Variants in GLYATL2 observed in about 807,000 individuals in gnomAD.
The protein encoded by GLYATL2 is glycine N-acyltransferase-like protein 2.
GLYATL2 carries 25 observed loss-of-function variants against 21.4 expected under a neutral mutation model. The observed-to-expected ratio is 1.17, with a 90% CI of 0.85 to 1.63. The LOEUF is 1.63. GLYATL2 is among the 40% of genes most tolerant of loss of function. The pLI is 0.00. For missense variants in GLYATL2, 361 were observed against 343.3 expected, an observed-to-expected ratio of 1.05 and a Z score of -0.41; for synonymous variants, 114 against 118.2, an observed-to-expected ratio of 0.96 and a Z score of 0.23.
At chr11:58,904,679 A>G (rs150802338), upstream of GLYATL2, among the ~76,000 whole-genome samples, 646 of 152,276 alleles carry the variant, frequency 4.2e-3, 6 homozygotes, top group African/African-American at 0.015. Flanking sequence ...TTTCTGTTTG[A>G]TATTATTTTT....
upstream of GLYATL2, among the ~76,000 whole-genome samples, chr11:58,845,781 C>T (rs972533203): frequency 2.6e-5 from 4 of 152,098 alleles, no homozygotes; most frequent in Non-Finnish European, 4.4e-5. Context: ...GAACATGAGG[C>T]CAAATATCGA....
upstream of GLYATL2, chr11:58,907,647 G>T (rs998349307): frequency 9.6e-6 from 2 of 208,286 alleles, no homozygotes; most frequent in South Asian, 7.9e-5. Flanking sequence ...GTCATTGTGG[G>T]TCATATTTTT....
chr11:58,905,711 G>A, upstream of GLYATL2: 1 of 436,402 alleles, frequency 2.3e-6, no homozygotes, highest in Non-Finnish European at 4.6e-6. Flanking sequence ...GGGGATCGCT[G>A]GGACCGGGAT....
Position 58,834,845 on chromosome 11 carries a change from G to T in GLYATL2, c.477-8C>A, listed in dbSNP as rs75096485. 0.03 allele frequency: 46,127 copies of T among 1,549,618 alleles called. 1,786 individuals are homozygous for T. The highest frequency in any genetic ancestry group is 0.19 in the East Asian group (8,430 of 44,032). On this transcript the variant is annotated splice_polypyrimidine_tract_variant and splice_region_variant and intron_variant, in intron 5 of 5. Coordinates refer to ENST00000287275, the MANE Select transcript of GLYATL2 (RefSeq NM_145016.4). Reference sequence around the variant, plus strand: ...TTTGAAAAGTTTCCTTCCCTGTGAAGAAAAAGAATTTTACATTTATTCAGC... The same window carrying T: ...TTTGAAAAGTTTCCTTCCCTGTGAATAAAAAGAATTTTACATTTATTCAGC...
intron 1 of GLYATL2, among the ~76,000 whole-genome samples, chr11:58,901,886 A>G (rs112439281): frequency 6.6e-6 from 1 of 152,182 alleles, no homozygotes; most frequent in Non-Finnish European, 1.5e-5. Flanking sequence ...GTACCACTGT[A>G]TGAGGATGGA....
chr11:58,838,277 G>A lies in GLYATL2; in HGVS notation c.170C>T (p.Thr57Ile). The A allele has an allele frequency of 1.9e-6, 3 of 1,611,470 alleles. No homozygotes were observed. Among genetic ancestry groups the A allele is most frequent in the Non-Finnish European group, 2.5e-6 (3 of 1,177,826 alleles). ...TGCTCCTACCTGTTTCTGAGGCCGG[G>A]TAATGACGATCTGGTAATCTGGCCA... ...DAWPDYQIVI[T>I]RPQKQEMKDD... Residue 57 changes from threonine (T) to isoleucine (I), a missense_variant, in exon 3 of 6, where the codon ACC (threonine) becomes ATC (isoleucine). Physicochemically the swap from Thr to Ile is moderately conservative, Grantham distance 89. Transcript: ENST00000287275.
At chr11:58,897,560 C>T (rs374130270) in intron 1 of GLYATL2, among the ~76,000 whole-genome samples, 42 of 152,082 alleles carry the variant, frequency 2.8e-4, no homozygotes, top group African/African-American at 8.0e-4. Flanking sequence ...CACACACGGA[C>T]GCACACACAC....
intron 1 of GLYATL2, among the ~76,000 whole-genome samples, chr11:58,842,910 T>C (rs1853579232): frequency 6.6e-6 from 1 of 152,208 alleles, no homozygotes; most frequent in Non-Finnish European, 1.5e-5. Flanking sequence ...ATCTTGTTTT[T>C]ATTAATATTT....
At chr11:58,846,042 T>C (rs10896859), upstream of GLYATL2, among the ~76,000 whole-genome samples, 39,885 of 152,068 alleles carry the variant, frequency 0.26, 5,739 homozygotes, top group East Asian at 0.51. Context: ...TAAACGATTA[T>C]TTTGTTAAAT....
chr11:58,897,562 C>G (rs1465631947), intron 1 of GLYATL2, among the ~76,000 whole-genome samples: 1 of 152,038 alleles, frequency 6.6e-6, no homozygotes, highest in Middle Eastern at 3.4e-3. Context: ...CACACGGACG[C>G]ACACACACAC....
At chr11:58,873,658 C>G (rs112688667) in intron 1 of GLYATL2, among the ~76,000 whole-genome samples, 2 of 152,096 alleles carry the variant, frequency 1.3e-5, no homozygotes, top group African/African-American at 4.8e-5. Flanking sequence ...GGTGGATAAG[C>G]TTTTTGATCT....
chr11:58,863,834 G>A (rs530039996), intron 1 of GLYATL2, among the ~76,000 whole-genome samples: 1 of 152,224 alleles, frequency 6.6e-6, no homozygotes, highest in Non-Finnish European at 1.5e-5. Context: ...TACTGGGTCT[G>A]TGGGCACTAG....
intron 1 of GLYATL2, among the ~76,000 whole-genome samples, chr11:58,889,334 TGCAA>T (rs1005290691): frequency 5.9e-5 from 9 of 151,958 alleles, no homozygotes; most frequent in Admixed American, 3.9e-4. Context: ...TACTGTACTC[TGCAA>T]ACAAAGTAAT....
chr11:58,883,794 T>A (rs1017993935), intron 1 of GLYATL2, among the ~76,000 whole-genome samples: 8 of 152,150 alleles, frequency 5.3e-5, no homozygotes, highest in African/African-American at 1.7e-4. Flanking sequence ...ATATACCAGA[T>A]GAATATCGAT....
rs1419977286 is a variant in GLYATL2 at position 58,855,877 on chromosome 11, T to G, written n.61-17509A>C. ...GGTGGCTCATGCCTGTAATCCCAGC[T>G]CTTTGGGAGGCTGAGTTTGGTGGAT... On this transcript the variant is annotated intron_variant and non_coding_transcript_variant, in intron 1 of 4. Transcript: ENST00000533636. Among the ~76,000 whole-genome samples, 8 of 152,184 alleles carry G rather than the reference T, an allele frequency of 5.3e-5. 1 individual carries two copies. Among genetic ancestry groups the G allele is most frequent in the African/African-American group, 1.9e-4 (8 of 41,540 alleles).
chr11:58,894,646 G>T (rs1310541772), intron 1 of GLYATL2, among the ~76,000 whole-genome samples: 1 of 152,076 alleles, frequency 6.6e-6, no homozygotes, highest in Non-Finnish European at 1.5e-5. Flanking sequence ...GTTTATATTT[G>T]ATGTGATTTT....
chr11:58,898,606 G>A (rs996205036), intron 1 of GLYATL2, among the ~76,000 whole-genome samples: 13 of 151,758 alleles, frequency 8.6e-5, no homozygotes, highest in Admixed American at 2.6e-4. Flanking sequence ...AGACCGAGGC[G>A]GGCAGATCAC....
At chr11:58,902,278 T>A (rs1425985115) in intron 1 of GLYATL2, among the ~76,000 whole-genome samples, 1 of 152,162 alleles carries the variant, frequency 6.6e-6, no homozygotes, top group Non-Finnish European at 1.5e-5. Flanking sequence ...AGCTCCATTA[T>A]GTGGTGCCCA....
At chr11:58,837,691 G>A (rs1853464770) in intron 3 of GLYATL2, among the ~76,000 whole-genome samples, 2 of 152,128 alleles carry the variant, frequency 1.3e-5, no homozygotes, top group Non-Finnish European at 2.9e-5. Flanking sequence ...AAAAGTGAAG[G>A]TGCCTAAGGT....
Sources: allele counts gnomAD v4.1 joint callset (sites outside exome capture counted in the v4.1 genomes callset), GRCh38; gene constraint gnomAD v4.1.1; transcripts MANE v1.5; gene names NCBI Gene and HGNC (gene_info 2026-07-23, HGNC 2026-07-21).